SEMA4D: variants seen among roughly 807,000 people sequenced by gnomAD.
SEMA4D encodes the protein semaphorin-4D.
In SEMA4D, 22 loss-of-function variants were observed where a neutral mutation model predicts 74.8. That is an observed-to-expected ratio of 0.29 (90% confidence interval 0.21 to 0.42). The LOEUF (loss-of-function observed/expected upper bound fraction) is 0.42. Ranked by LOEUF, SEMA4D falls within the 10% of genes least tolerant of loss-of-function variation. SEMA4D has a pLI of 1.00. For missense variants in SEMA4D, 937 were observed against 1,118.4 expected (o/e 0.84, Z 2.31); for synonymous variants, 445 against 463.7 (o/e 0.96, Z 0.52).
intron 9 of SEMA4D, 85 bp from the exon 10 acceptor site, chr9:89,389,132 G>T: frequency 1.4e-6 from 2 of 1,410,498 alleles, no homozygotes; most frequent in Non-Finnish European, 2.0e-6. Flanking sequence ...CCCCTCCATG[G>T]CCCAGCACAG....
At chr9:89,392,571 C>T (rs1339141570) in intron 7 of SEMA4D, 35 bp from the exon 8 acceptor site, 3 of 1,372,366 alleles carry the variant, frequency 2.2e-6, no homozygotes, top group Admixed American at 1.7e-5. Context: ...GAAAAGGGAA[C>T]CAACCTCTCA....
chr9:89,449,439 G>C, intron 2 of SEMA4D: 1 of 604,620 alleles, frequency 1.7e-6, no homozygotes. Context: ...GACTAAGTTC[G>C]CGGCTTTCGC....
intron 1 of SEMA4D, among the ~76,000 whole-genome samples, chr9:89,459,457 G>A (rs1856739185): frequency 6.6e-6 from 1 of 152,196 alleles, no homozygotes; most frequent in South Asian, 2.1e-4. Context: ...AGAAACAACT[G>A]GAGAAAGTCA....
intron 2 of SEMA4D, among the ~76,000 whole-genome samples, chr9:89,408,930 A>G (rs551708047): frequency 1.3e-5 from 2 of 152,226 alleles, no homozygotes; most frequent in Admixed American, 1.3e-4. Context: ...CAAAAGAAAC[A>G]GCAATGAGCT....
rs1329763975 is a variant in SEMA4D at position 89,418,398 on chromosome 9, T to C, written c.-243-12699A>G. 3.0e-6 allele frequency: 3 copies of C among 985,310 alleles called. No individual in the cohort carries two copies. In the African/African-American group the frequency reaches 5.2e-5, roughly 17 times the overall value. The allele number at this position is 985,310 out of a possible 1,614,324, so 61.0% of individuals were successfully genotyped here. ...AGATGAGCCCCAGGACCCGACCAGGTGTACTTTCTTGCACAATAAGCCATT... is the reference window on the plus strand; with the variant it reads ...AGATGAGCCCCAGGACCCGACCAGGCGTACTTTCTTGCACAATAAGCCATT... On this transcript the variant is annotated intron_variant, in intron 2 of 15. Transcript: ENST00000422704.
chr9:89,407,357 GCT>G (rs1843542789), intron 2 of SEMA4D, among the ~76,000 whole-genome samples: 1 of 152,176 alleles, frequency 6.6e-6, no homozygotes, highest in South Asian at 2.1e-4. Context: ...GATGGCTGGA[GCT>G]CTGGCAGCCA....
At chr9:89,448,270 C>T (rs1853467241) in intron 2 of SEMA4D, among the ~76,000 whole-genome samples, 1 of 152,236 alleles carries the variant, frequency 6.6e-6, no homozygotes, top group South Asian at 2.1e-4. Flanking sequence ...AGCCATTGCC[C>T]CTGGCATCTT....
At chr9:89,479,989 T>C (rs1424011721) in intron 1 of SEMA4D, 1 of 152,240 alleles carries the variant, frequency 6.6e-6, no homozygotes, top group Non-Finnish European at 1.5e-5. Context: ...AGGGCGCTGA[T>C]TGGTGCGTTT....
intron 2 of SEMA4D, among the ~76,000 whole-genome samples, chr9:89,451,046 T>C (rs1854374975): frequency 6.6e-6 from 1 of 152,198 alleles, no homozygotes; most frequent in African/African-American, 2.4e-5. Flanking sequence ...TCCTAGCCTT[T>C]TCTTCTACTC....
At chr9:89,458,962 CAT>C (rs1381622018) in intron 1 of SEMA4D, among the ~76,000 whole-genome samples, 4 of 152,216 alleles carry the variant, frequency 2.6e-5, no homozygotes, top group Admixed American at 1.3e-4. Context: ...TACCTACACA[CAT>C]GTGCCTACAC....
At chr9:89,477,995 T>A (rs1419410836) in intron 1 of SEMA4D, among the ~76,000 whole-genome samples, 1 of 152,246 alleles carries the variant, frequency 6.6e-6, no homozygotes, top group Non-Finnish European at 1.5e-5. Context: ...GTTTCCACTG[T>A]ACTCTTATTT....
At chr9:89,460,358 CAT>C (rs1856925129) in intron 1 of SEMA4D, among the ~76,000 whole-genome samples, 2 of 152,386 alleles carry the variant, frequency 1.3e-5, no homozygotes, top group South Asian at 4.1e-4. Flanking sequence ...CTTTCAGACA[CAT>C]GTGATCTCAT....
At chr9:89,453,726 G>A (rs764602833) in intron 2 of SEMA4D, among the ~76,000 whole-genome samples, 1 of 152,204 alleles carries the variant, frequency 6.6e-6, no homozygotes, top group South Asian at 2.1e-4. Context: ...CAGTGGCACC[G>A]GGAACCACAA....
chr9:89,478,683 C>T (rs2136134215), intron 1 of SEMA4D, among the ~76,000 whole-genome samples: 2 of 152,306 alleles, frequency 1.3e-5, no homozygotes, highest in Non-Finnish European at 2.9e-5. Flanking sequence ...ATCATCCTCA[C>T]TGCACCCTTG....
At chr9:89,370,049 CAT>C (rs1834308846) in intron 16 of SEMA4D, among the ~76,000 whole-genome samples, 1 of 143,014 alleles carries the variant, frequency 7.0e-6, no homozygotes, top group South Asian at 2.7e-4. Context: ...GTGTGTGGTG[CAT>C]GTGTGAGTGG....
chr9:89,459,315 A>G (rs1046808565), intron 1 of SEMA4D, among the ~76,000 whole-genome samples: 2 of 152,234 alleles, frequency 1.3e-5, no homozygotes, highest in African/African-American at 4.8e-5. Flanking sequence ...TCCAGTGAAC[A>G]GCCTCTAGTC....
At chr9:89,478,934 A>G (rs1307633041) in intron 1 of SEMA4D, among the ~76,000 whole-genome samples, 1 of 152,196 alleles carries the variant, frequency 6.6e-6, no homozygotes, top group Non-Finnish European at 1.5e-5. Flanking sequence ...CCCCAGCTTC[A>G]GTCAGCTCAT....
At chr9:89,488,894 T>C (rs1300692752) in intron 1 of SEMA4D, among the ~76,000 whole-genome samples, 2 of 152,280 alleles carry the variant, frequency 1.3e-5, no homozygotes, top group East Asian at 3.8e-4. Flanking sequence ...AATACAAGTA[T>C]CTGACAAAAG....
At position 89,492,117 on chromosome 9, in the gene SEMA4D, G is replaced by C. The variant is rs533965928; in HGVS notation, c.-310+5802C>G. On this transcript the variant is annotated intron_variant, in intron 1 of 15. Transcript: ENST00000422704. The surrounding 1 kb of genome is among the most constrained non-coding windows in gnomAD (Gnocchi z 4.3). ...AGCAAAATTCTTGAAAAAGCAATAG[G>C]GTCCTGCTGTCCCAAATTCCCCTCC... 7.4e-4 allele frequency among the ~76,000 whole-genome samples: 113 copies of C among 152,166 alleles called. No homozygotes were observed. Among genetic ancestry groups the C allele is most frequent in the African/African-American group, 2.5e-3 (104 of 41,506 alleles).
Sources: gnomAD v4.1 joint callset for allele counts (sites outside exome capture counted in the v4.1 genomes callset) on GRCh38, gnomAD v4.1.1 for gene constraint, Gnocchi (gnomAD v3.1) non-coding constraint, MANE v1.5 for transcripts, NCBI Gene and HGNC (gene_info 2026-07-23, HGNC 2026-07-21) for gene names.